Variants in ANKRD30BL observed in about 807,000 individuals in gnomAD.
The protein encoded by ANKRD30BL is ankyrin repeat domain 30B like, also known as putative ankyrin repeat domain-containing protein 30B-like.
ANKRD30BL carries 20 observed loss-of-function variants against 18.4 expected under a neutral mutation model. That is an observed-to-expected ratio of 1.09 (90% CI 0.77 to 1.58). The LOEUF is 1.58. Ranked by LOEUF, ANKRD30BL falls within the 40% of genes most tolerant of loss-of-function variation. The pLI is 0.00. For missense variants in ANKRD30BL, 224 were observed against 268.6 expected, an observed-to-expected ratio of 0.83 and a Z score of 1.16; for synonymous variants, 72 against 100.9, an observed-to-expected ratio of 0.71 and a Z score of 1.72.
chr2:132,204,471 GTATATATAGTATGTATA>G (rs1016107064), intron 1 of ANKRD30BL, among the ~76,000 whole-genome samples: 4 of 143,294 alleles, frequency 2.8e-5, no homozygotes, highest in African/African-American at 1.0e-4. Flanking sequence ...ATGTATGTAT[GTATATATAGTATGTATA>G]TATGTATATA....
At chr2:132,201,716 C>T (rs901138530) in intron 1 of ANKRD30BL, among the ~76,000 whole-genome samples, 12 of 152,224 alleles carry the variant, frequency 7.9e-5, no homozygotes, top group African/African-American at 2.2e-4. Flanking sequence ...AGTTCAACCA[C>T]TGTGGAAGTC....
At chr2:132,199,427 T>C (rs890740348) in intron 1 of ANKRD30BL, among the ~76,000 whole-genome samples, 4 of 152,142 alleles carry the variant, frequency 2.6e-5, no homozygotes, top group Non-Finnish European at 5.9e-5. Flanking sequence ...CTAAATACTT[T>C]GCATGAAGAT....
chr2:132,228,819 G>A (rs1039210340), intron 1 of ANKRD30BL, among the ~76,000 whole-genome samples: 2 of 149,924 alleles, frequency 1.3e-5, no homozygotes, highest in African/African-American at 2.5e-5. Flanking sequence ...TTTGTGGTGT[G>A]TGGATTCATC....
At chr2:132,180,461 T>G (rs186568371) in intron 1 of ANKRD30BL, among the ~76,000 whole-genome samples, 37 of 152,314 alleles carry the variant, frequency 2.4e-4, no homozygotes, top group African/African-American at 8.7e-4. Context: ...TTCTCCAAAT[T>G]TATTCCATCA....
At chr2:132,253,663 C>T (rs113899378) in intron 1 of ANKRD30BL, among the ~76,000 whole-genome samples, 12 of 149,908 alleles carry the variant, frequency 8.0e-5, no homozygotes, top group East Asian at 2.0e-4. Flanking sequence ...GCAGGGGAGG[C>T]GAGGGAGGGG....
At chr2:132,205,962 C>A (rs1265807067) in intron 1 of ANKRD30BL, among the ~76,000 whole-genome samples, 1 of 152,172 alleles carries the variant, frequency 6.6e-6, no homozygotes, top group Non-Finnish European at 1.5e-5. Context: ...AGTTCAAGAC[C>A]AGCCTGGCCA....
chr2:132,249,739 G>C (rs58209170), intron 1 of ANKRD30BL, among the ~76,000 whole-genome samples: 10,906 of 151,972 alleles, frequency 0.072, 1,292 homozygotes, highest in African/African-American at 0.25. Context: ...CAAAAGAATG[G>C]TTCAACTCTG....
At chr2:132,255,445 CA>C (rs1680803437) in intron 1 of ANKRD30BL, among the ~76,000 whole-genome samples, 1 of 149,512 alleles carries the variant, frequency 6.7e-6, no homozygotes, top group African/African-American at 2.5e-5. Flanking sequence ...TAAGAGCATC[CA>C]GGGGGCACCG....
chr2:132,177,357 T>C (rs1688382161), intron 1 of ANKRD30BL, among the ~76,000 whole-genome samples: 1 of 152,154 alleles, frequency 6.6e-6, no homozygotes, highest in East Asian at 1.9e-4. Context: ...TTTCACCATG[T>C]TGGACAGGAT....
At chr2:132,148,831 A>G (rs1441829272) in intron 5 of ANKRD30BL, among the ~76,000 whole-genome samples, 1 of 151,870 alleles carries the variant, frequency 6.6e-6, no homozygotes, top group Non-Finnish European at 1.5e-5. Context: ...AAAAGATGAT[A>G]ATAACAAGAA....
intron 1 of ANKRD30BL, among the ~76,000 whole-genome samples, chr2:132,234,864 C>T (rs1374740338): frequency 6.6e-6 from 1 of 152,136 alleles, no homozygotes; most frequent in East Asian, 1.9e-4. Flanking sequence ...GATACCAAAG[C>T]CAGGCAGAGA....
At chr2:132,255,983 C>G (rs77624818) in intron 1 of ANKRD30BL, among the ~76,000 whole-genome samples, 3 of 152,182 alleles carry the variant, frequency 2.0e-5, no homozygotes, top group Non-Finnish European at 2.9e-5. Context: ...GATAAATGCA[C>G]GCATCTTCCC....
chr2:132,220,663 G>T (rs1337153624), intron 1 of ANKRD30BL, among the ~76,000 whole-genome samples: 1 of 152,156 alleles, frequency 6.6e-6, no homozygotes, highest in Non-Finnish European at 1.5e-5. Context: ...CGTTCACTCA[G>T]TGCTCAATGG....
intron 1 of ANKRD30BL, chr2:132,253,074 G>A (rs544593339): frequency 2.6e-3 from 410 of 156,664 alleles, no homozygotes; most frequent in Non-Finnish European, 4.2e-3. Context: ...GGGGGACAGA[G>A]GGCCCCGTGG....
intron 1 of ANKRD30BL, among the ~76,000 whole-genome samples, chr2:132,212,482 C>T (rs888815761): frequency 4.6e-5 from 7 of 151,782 alleles, no homozygotes; most frequent in Non-Finnish European, 1.0e-4. Flanking sequence ...CACATAAAAA[C>T]TGTTCAGAAA....
chr2:132,222,511 G>A, intron 1 of ANKRD30BL, among the ~76,000 whole-genome samples: 1 of 152,094 alleles, frequency 6.6e-6, no homozygotes. Flanking sequence ...TTCTGCCTTG[G>A]GATCCTGTTG....
chr2:132,245,339 T>C (rs370113369), intron 1 of ANKRD30BL, among the ~76,000 whole-genome samples: 1 of 150,786 alleles, frequency 6.6e-6, no homozygotes, highest in Admixed American at 6.6e-5. Flanking sequence ...TCTCCTAGAG[T>C]TGAACATTAG....
At chr2:132,198,281 T>C (rs1679008683) in intron 1 of ANKRD30BL, among the ~76,000 whole-genome samples, 1 of 8,480 alleles carries the variant, frequency 1.2e-4, no homozygotes, top group South Asian at 4.1e-3. Context: ...TCTTTCTTTC[T>C]TTCTTTCTTT....
rs536046296 is a variant in ANKRD30BL at position 132,226,789 on chromosome 2, T to C, written n.441+30740A>G. The stretch of plus-strand genomic sequence containing the variant: ...GAACCTTTCTTTTGATTGAGAATTA[T>C]GGAAAAACTCTTTTTGTAGATTCTG... On this transcript the variant is annotated intron_variant and non_coding_transcript_variant, in intron 1 of 4. Coordinates refer to the ANKRD30BL transcript ENST00000470729. Among the ~76,000 whole-genome samples the C allele has an allele frequency of 3.3e-3, 498 of 152,222 alleles. 3 individuals carry two copies. Among genetic ancestry groups the C allele is most frequent in the African/African-American group, 0.011 (441 of 41,554 alleles).
Sources: allele counts gnomAD v4.1 joint callset (sites outside exome capture counted in the v4.1 genomes callset), GRCh38; gene constraint gnomAD v4.1.1; transcripts MANE v1.5; gene names NCBI Gene and HGNC (gene_info 2026-07-23, HGNC 2026-07-21).